FKBP5: variants seen among roughly 807,000 people sequenced by gnomAD.
The protein encoded by FKBP5 is peptidyl-prolyl cis-trans isomerase FKBP5.
In FKBP5, 23 loss-of-function variants were observed where a neutral mutation model predicts 50.5. The ratio of observed to expected loss-of-function variants is 0.46; its 90% CI spans 0.33 to 0.65. The LOEUF is 0.65. Among genes scored for constraint, FKBP5 ranks in the 30% least tolerant of loss-of-function variants. The pLI, the probability that FKBP5 is intolerant of heterozygous loss-of-function variation, is 0.02. For missense variants in FKBP5, 411 were observed against 553.1 expected (o/e 0.74, Z 2.58); for synonymous variants, 176 against 190.6 (o/e 0.92, Z 0.63).
intron 6 of FKBP5, among the ~76,000 whole-genome samples, chr6:35,595,873 A>G (rs1703905109): frequency 6.6e-6 from 1 of 152,214 alleles, no homozygotes; most frequent in African/African-American, 2.4e-5. Context: ...ATAAACTACA[A>G]ATATAGAGTA....
At chr6:35,580,487 G>A (rs144430175) in intron 8 of FKBP5, 65 of 294,574 alleles carry the variant, frequency 2.2e-4, no homozygotes, top group Non-Finnish European at 3.7e-4. Flanking sequence ...GTACAGCAAG[G>A]CTTCTGGGCT....
chr6:35,584,526 A>G, intron 8 of FKBP5: 1 of 985,532 alleles, frequency 1.0e-6, no homozygotes. Context: ...CCGGGAGGGC[A>G]GTATGGCAGA....
chr6:35,587,258 A>G (rs1475751239), intron 7 of FKBP5, 141 bp from the exon 8 acceptor site: 1 of 737,224 alleles, frequency 1.4e-6, no homozygotes, highest in East Asian at 2.5e-5. Flanking sequence ...GTCAGTGCCA[A>G]TTTACTGCTA....
chr6:35,582,273 T>A, intron 8 of FKBP5: 13 of 985,408 alleles, frequency 1.3e-5, no homozygotes, highest in Non-Finnish European at 1.6e-5. Flanking sequence ...TTTTAAATGC[T>A]GAAATTCTTG....
Position 35,658,695 on chromosome 6 carries a change from G to GT in FKBP5, c.-19-15853_-19-15852insA, listed in dbSNP as rs1491423525. Among the ~76,000 whole-genome samples the GT allele has an allele frequency of 5.3e-4, 11 of 20,712 alleles. 5 individuals are homozygous for GT. Among genetic ancestry groups the GT allele is most frequent in the South Asian group, 1.7e-3 (1 of 596 alleles). 13.6% of individuals were successfully genotyped at this position (20,712 alleles called of 152,430 possible). A position where few individuals can be genotyped will look rare whatever the true frequency, so the allele number is the denominator to read the frequency against. ...GTTTTCAAATGTTAAACCAACCTTG[G>GT]ATACCTGGAATAAACCCTATTTGGT... On this transcript the variant is annotated intron_variant, in intron 1 of 10. Coordinates refer to ENST00000357266, the MANE Select transcript of FKBP5 (RefSeq NM_004117.4).
intron 5 of FKBP5, among the ~76,000 whole-genome samples, chr6:35,602,408 T>A (rs1178474048): frequency 6.6e-6 from 1 of 152,084 alleles, no homozygotes; most frequent in Non-Finnish European, 1.5e-5. Flanking sequence ...TACTGGGTCA[T>A]GAGGATCTGA....
At chr6:35,631,200 A>T (rs1291094136) in intron 3 of FKBP5, among the ~76,000 whole-genome samples, 1 of 152,238 alleles carries the variant, frequency 6.6e-6, no homozygotes, top group East Asian at 1.9e-4. Context: ...CCCAAATTGC[A>T]AACAACCAAA....
intron 1 of FKBP5, among the ~76,000 whole-genome samples, chr6:35,662,534 T>G (rs1765101122): frequency 6.6e-6 from 1 of 151,552 alleles, no homozygotes; most frequent in South Asian, 2.1e-4. Flanking sequence ...TCCTGCCACC[T>G]CAGCCTCCCA....
chr6:35,708,536 G>C (rs1766361441), intron 2 of FKBP5, among the ~76,000 whole-genome samples: 1 of 151,582 alleles, frequency 6.6e-6, no homozygotes, highest in Non-Finnish European at 1.5e-5. Context: ...ACAAGCATGA[G>C]CCATTGCGCC....
intron 2 of FKBP5, among the ~76,000 whole-genome samples, chr6:35,718,623 G>A (rs933026117): frequency 3.3e-5 from 5 of 152,092 alleles, no homozygotes; most frequent in East Asian, 1.9e-4. Context: ...ATCCCAATTC[G>A]GACTCCATAG....
chr6:35,655,755 A>C (rs1046238184), intron 1 of FKBP5, among the ~76,000 whole-genome samples: 51 of 152,348 alleles, frequency 3.3e-4, no homozygotes, highest in African/African-American at 1.1e-3. Context: ...TGAAAAATCT[A>C]ATCTGGAAAA....
intron 5 of FKBP5, among the ~76,000 whole-genome samples, chr6:35,603,722 T>C (rs577299038): frequency 5.1e-4 from 78 of 152,232 alleles, no homozygotes; most frequent in Non-Finnish European, 9.3e-4. Context: ...AGAGTCTCGT[T>C]CTGTTGCCCA....
At position 35,637,009 on chromosome 6, in the gene FKBP5, C is replaced by G; in HGVS notation, c.250+5G>C. The G allele has an allele frequency of 6.3e-7, 1 of 1,591,524 alleles. No individual in the cohort carries two copies. The highest frequency in any genetic ancestry group is 8.5e-7 in the Non-Finnish European group (1 of 1,174,682). ...AAAACACAACTCAAAAAAATACCCT[C>G]TTACCTTTGCCAAGACTAAAGACAA... is the stretch of plus-strand genomic sequence containing the variant. On this transcript the variant is annotated splice_donor_5th_base_variant and intron_variant, in intron 3 of 10. Transcript: ENST00000357266.
intron 5 of FKBP5, among the ~76,000 whole-genome samples, chr6:35,602,191 C>T (rs897357711): frequency 3.3e-5 from 5 of 151,968 alleles, no homozygotes; most frequent in African/African-American, 1.2e-4. Flanking sequence ...ACAGCAGTAA[C>T]AAAAATGAAA....
chr6:35,581,253 T>C (rs1473547547), intron 8 of FKBP5: 2 of 603,460 alleles, frequency 3.3e-6, no homozygotes, highest in East Asian at 1.4e-4. Flanking sequence ...ATATATAATA[T>C]ATATAAATAT....
In FKBP5 at chr6:35,656,950, G is replaced by A. The variant is rs1355432966; in HGVS notation, c.-19-14107C>T. The stretch of plus-strand genomic sequence containing the variant: ...AAAAAAGCCGGGCACGGTGGCTCAC[G>A]GCTGTAATCCTAGCACTTTGGGAGG... On this transcript the variant is annotated intron_variant, in intron 1 of 10. Coordinates refer to ENST00000357266, the MANE Select transcript of FKBP5 (RefSeq NM_004117.4). 2.7e-5 allele frequency among the ~76,000 whole-genome samples: 4 copies of A among 150,156 alleles called. No homozygotes were observed. In the East Asian group the frequency reaches 5.9e-4, roughly 22 times the overall value.
At chr6:35,642,872 G>GA in intron 1 of FKBP5, 29 bp from the exon 2 acceptor site, 1 of 1,493,224 alleles carries the variant, frequency 6.7e-7, no homozygotes, top group Non-Finnish European at 9.3e-7. Flanking sequence ...TTTTAGCTGG[G>GA]AAAAATATCA....
chr6:35,595,278 T>C lies in FKBP5; in HGVS notation c.665+1970A>G, dbSNP rs188873047. ...AAACTTGAGACATCTGTCCCCACAATTGCCTTGTCAGCCAGGCTAAAATGT... is the reference window on the plus strand; with the variant it reads ...AAACTTGAGACATCTGTCCCCACAACTGCCTTGTCAGCCAGGCTAAAATGT... On this transcript the variant is annotated intron_variant, in intron 6 of 10. Coordinates refer to ENST00000357266, the MANE Select transcript of FKBP5 (RefSeq NM_004117.4). Among the ~76,000 whole-genome samples the C allele has an allele frequency of 1.9e-3, 285 of 152,348 alleles. 4 individuals are homozygous for C. Among genetic ancestry groups the C allele is most frequent in the Admixed American group, 6.6e-3 (101 of 15,304 alleles).
intron 1 of FKBP5, among the ~76,000 whole-genome samples, chr6:35,677,709 C>T (rs1356335514): frequency 6.6e-6 from 1 of 152,096 alleles, no homozygotes; most frequent in Non-Finnish European, 1.5e-5. Flanking sequence ...TCCATATCAC[C>T]TTGGTTTAAA....
Sources: allele counts gnomAD v4.1 joint callset (sites outside exome capture counted in the v4.1 genomes callset), GRCh38; gene constraint gnomAD v4.1.1; transcripts MANE v1.5; gene names NCBI Gene and HGNC (gene_info 2026-07-23, HGNC 2026-07-21).